Variants in PLPP4 observed in about 807,000 individuals in gnomAD.
PLPP4 encodes phospholipid phosphatase 4, also known as diacylglycerol pyrophosphate like 2.
PLPP4 carries 20 observed loss-of-function variants against 32.2 expected under a neutral mutation model. The observed-to-expected ratio is 0.62, with a 90% CI of 0.44 to 0.90. PLPP4 has a LOEUF of 0.90. Ranked by LOEUF, PLPP4 falls within the 40% of genes least tolerant of loss-of-function variation. The pLI is 0.00. For synonymous variants in PLPP4, 127 were observed against 133.0 expected (o/e 0.95, Z 0.31); for missense variants, 257 against 353.1 (o/e 0.73, Z 2.18).
chr10:120,557,900 A>G (rs1260173834), intron 5 of PLPP4, among the ~76,000 whole-genome samples: 1 of 152,200 alleles, frequency 6.6e-6, no homozygotes, highest in Non-Finnish European at 1.5e-5. Context: ...TTTGCTCTGC[A>G]CTATATAATT....
intron 5 of PLPP4, among the ~76,000 whole-genome samples, chr10:120,563,269 A>G (rs1848518327): frequency 6.6e-6 from 1 of 152,210 alleles, no homozygotes. Context: ...CAAACAAACA[A>G]AAAAGATGTA....
At chr10:120,575,045 A>G in intron 5 of PLPP4, 86 bp from the exon 6 acceptor site, 1 of 1,445,938 alleles carries the variant, frequency 6.9e-7, no homozygotes, top group Non-Finnish European at 9.5e-7. Context: ...GGGGGTGTGC[A>G]AGACGGCAGA....
chr10:120,544,012 C>T (rs781679075), intron 5 of PLPP4, among the ~76,000 whole-genome samples: 1 of 152,182 alleles, frequency 6.6e-6, no homozygotes, highest in Non-Finnish European at 1.5e-5. Flanking sequence ...GTCCATTCAT[C>T]CAGCAGTGTA....
At chr10:120,568,103 G>A (rs181759323) in intron 5 of PLPP4, among the ~76,000 whole-genome samples, 3 of 152,300 alleles carry the variant, frequency 2.0e-5, no homozygotes, top group South Asian at 4.1e-4. Context: ...GCTTAGCTCG[G>A]GACAGTAGCT....
In PLPP4 at chr10:120,520,906, G is replaced by A. The variant is rs187312849; in HGVS notation, c.321-65G>A. The A allele has an allele frequency of 1.2e-4, 196 of 1,592,200 alleles. No individual in the cohort carries two copies. The African/African-American group carries it at 2.5e-3, about 20-fold the overall frequency. On this transcript the variant is annotated intron_variant, in intron 4 of 6. Coordinates refer to ENST00000398250, the MANE Select transcript of PLPP4 (RefSeq NM_001030059.3). ...CTGGGGGCAGTGGGGAGTTGGGGGGGTCAGCTTGGGGTCATTTGTGATGGC... is the reference window on the plus strand; with the variant it reads ...CTGGGGGCAGTGGGGAGTTGGGGGGATCAGCTTGGGGTCATTTGTGATGGC...
chr10:120,493,783 A>G (rs956603150), intron 1 of PLPP4, among the ~76,000 whole-genome samples: 4 of 152,154 alleles, frequency 2.6e-5, no homozygotes, highest in Non-Finnish European at 5.9e-5. Flanking sequence ...GTCATACATG[A>G]CACTCAACAC....
At chr10:120,515,574 C>T (rs929750527) in intron 3 of PLPP4, among the ~76,000 whole-genome samples, 4 of 152,208 alleles carry the variant, frequency 2.6e-5, no homozygotes, top group African/African-American at 9.6e-5. Flanking sequence ...CGATGCCCTC[C>T]CTCAGGTCAG....
At position 120,589,906 on chromosome 10, in the gene PLPP4, G is replaced by A; in HGVS notation, c.*404G>A. The A allele has an allele frequency of 5.7e-6, 1 of 175,066 alleles. No homozygotes were observed. Among genetic ancestry groups the A allele is most frequent in the South Asian group, 1.5e-4 (1 of 6,708 alleles). 10.8% of individuals were successfully genotyped at this position (175,066 alleles called of 1,614,324 possible). A position where few individuals can be genotyped will look rare whatever the true frequency, so the allele number is the denominator to read the frequency against. ...ATTTGGAGATGCAGCAGGTTTCTCA[G>A]AGACCCAAAGCCAGCTCTGTCTGTA... On this transcript the variant is annotated 3_prime_UTR_variant, in exon 7 of 7. Transcript: ENST00000398250.
chr10:120,497,352 T>C (rs1589766739), intron 1 of PLPP4, among the ~76,000 whole-genome samples: 1 of 152,158 alleles, frequency 6.6e-6, no homozygotes, highest in African/African-American at 2.4e-5. Flanking sequence ...TTTGAGTGGA[T>C]TATCCCTGCA....
chr10:120,501,289 C>G (rs1174237214), intron 1 of PLPP4, among the ~76,000 whole-genome samples: 2 of 91,124 alleles, frequency 2.2e-5, no homozygotes, highest in Admixed American at 2.4e-4. Context: ...ATCCTTCAAG[C>G]AAAATTTATT....
Position 120,589,410 on chromosome 10 carries a change from C to T in PLPP4, c.724C>T (p.Arg242Ter), listed in dbSNP as rs375764875. 1.2e-5 allele frequency: 20 copies of T among 1,614,000 alleles called. No individual in the cohort carries two copies. The highest frequency in any genetic ancestry group is 1.6e-4 in the Middle Eastern group (1 of 6,084). Residue 242 changes from arginine (R) to a stop codon, truncating the protein, a stop_gained, in exon 7 of 7, where the codon CGA (arginine) becomes TGA (stop). Coordinates refer to ENST00000398250, the MANE Select transcript of PLPP4 (RefSeq NM_001030059.3). LOFTEE classifies it high-confidence loss of function. Reference protein sequence around the residue: ...TACHKPYVSLRVPASLKKEER... With the variant: ...TACHKPYVSL Reference sequence around the variant, plus strand: ...TTGCCATAAACCCTACGTTAGTCTGCGAGTCCCAGCCTCACTGAAGAAAGA... The same window carrying T: ...TTGCCATAAACCCTACGTTAGTCTGTGAGTCCCAGCCTCACTGAAGAAAGA...
chr10:120,470,817 G>A (rs1848488158), intron 1 of PLPP4, among the ~76,000 whole-genome samples: 1 of 152,186 alleles, frequency 6.6e-6, no homozygotes, highest in Non-Finnish European at 1.5e-5. Flanking sequence ...GTAGAGTACA[G>A]TGGTTAAGGC....
At chr10:120,538,289 C>T (rs759467517) in intron 5 of PLPP4, among the ~76,000 whole-genome samples, 1 of 151,198 alleles carries the variant, frequency 6.6e-6, no homozygotes, top group Admixed American at 6.6e-5. Context: ...CTCATTTGAA[C>T]ATTAGCCAGA....
chr10:120,516,518 A>ACAG (rs397775633), intron 3 of PLPP4, among the ~76,000 whole-genome samples: 3 of 147,156 alleles, frequency 2.0e-5, no homozygotes, highest in African/African-American at 8.1e-5. Context: ...TCCTACAACA[A>ACAG]AAGTAACAAC....
intron 1 of PLPP4, among the ~76,000 whole-genome samples, chr10:120,477,442 TTTTG>T (rs1277182214): frequency 1.1e-4 from 17 of 152,208 alleles, no homozygotes; most frequent in African/African-American, 3.1e-4. Context: ...TCGTCAGTTT[TTTTG>T]TTTGTTTGTT....
intron 1 of PLPP4, among the ~76,000 whole-genome samples, chr10:120,462,620 A>T (rs1015855763): frequency 1.3e-5 from 2 of 152,198 alleles, no homozygotes; most frequent in South Asian, 2.1e-4. Flanking sequence ...ATTTTTACAG[A>T]CCTAAGCATT....
At chr10:120,577,908 A>G (rs745598863) in intron 6 of PLPP4, among the ~76,000 whole-genome samples, 20 of 152,086 alleles carry the variant, frequency 1.3e-4, no homozygotes, top group East Asian at 1.9e-4. Flanking sequence ...GTTGTTTTCA[A>G]TCTCTCAGGG....
intron 5 of PLPP4, among the ~76,000 whole-genome samples, chr10:120,545,792 G>T (rs1307121895): frequency 1.3e-5 from 2 of 152,116 alleles, no homozygotes; most frequent in African/African-American, 4.8e-5. Flanking sequence ...ATTGTTCCTG[G>T]GTTTATCTGT....
intron 6 of PLPP4, among the ~76,000 whole-genome samples, chr10:120,576,280 ACCCAAACCT>A (rs1849219623): frequency 6.6e-6 from 1 of 152,176 alleles, no homozygotes. Context: ...TAGGTCTGTG[ACCCAAACCT>A]CCTCTCCCTT....
Sources: gnomAD v4.1 joint callset for allele counts (sites outside exome capture counted in the v4.1 genomes callset) on GRCh38, gnomAD v4.1.1 for gene constraint, MANE v1.5 for transcripts, NCBI Gene and HGNC (gene_info 2026-07-23, HGNC 2026-07-21) for gene names.